F10: variants seen among roughly 807,000 people sequenced by gnomAD.
F10 encodes the protein Stuart-Prower factor.
In F10, 29 loss-of-function variants were observed where a neutral mutation model predicts 37.1. The observed-to-expected ratio is 0.78, with a 90% CI of 0.58 to 1.07. The LOEUF (loss-of-function observed/expected upper bound fraction) is 1.07, where lower values mean the gene tolerates loss of function less well. Ranked by LOEUF, F10 falls within the 50% of genes least tolerant of loss-of-function variation. F10 has a pLI of 0.00. For missense variants in F10, 539 were observed against 667.9 expected, an observed-to-expected ratio of 0.81 and a Z score of 2.13; for synonymous variants, 262 against 268.6, an observed-to-expected ratio of 0.98 and a Z score of 0.24.
intron 2 of F10, among the ~76,000 whole-genome samples, chr13:113,137,590 T>C (rs2138538805): frequency 6.6e-6 from 1 of 152,354 alleles, no homozygotes; most frequent in Non-Finnish European, 1.5e-5. Context: ...GGATTTATTG[T>C]CGCAGCTTTG....
At chr13:113,135,739 A>C (rs1014296397) in intron 2 of F10, among the ~76,000 whole-genome samples, 1 of 152,228 alleles carries the variant, frequency 6.6e-6, no homozygotes, top group Non-Finnish European at 1.5e-5. Context: ...TTATACAAAA[A>C]TTAACACAAT....
intron 1 of F10, among the ~76,000 whole-genome samples, chr13:113,123,134 G>A (rs143582546): frequency 6.6e-5 from 10 of 152,322 alleles, no homozygotes; most frequent in Non-Finnish European, 8.8e-5. Flanking sequence ...TCAGACGGGC[G>A]GATCAGAGGT....
chr13:113,129,763 C>G, intron 2 of F10, 151 bp downstream of exon 2: 1 of 1,005,796 alleles, frequency 9.9e-7, no homozygotes, highest in South Asian at 1.3e-5. Context: ...AAATCGAGGC[C>G]TCGGCGGAGT....
rs368535920 is a variant in F10 at position 113,129,487 on chromosome 13, G to A, written c.106G>A (p.Ala36Thr). The A allele has an allele frequency of 6.2e-7, 1 of 1,614,066 alleles. No homozygotes were observed. Among genetic ancestry groups the A allele is most frequent in the South Asian group, 1.1e-5 (1 of 91,072 alleles). The part of the protein sequence containing the change: ...IRREQANNIL[A>T]RVTRANSFLE... Reference sequence around the variant, plus strand: ...CAGGGAGCAGGCCAACAACATCCTGGCGAGGGTCACGAGGGCCAATTCCTT... The same window carrying A: ...CAGGGAGCAGGCCAACAACATCCTGACGAGGGTCACGAGGGCCAATTCCTT... Residue 36 changes from alanine to threonine, a missense_variant, in exon 2 of 8, where the codon GCG (alanine) becomes ACG (threonine). By Grantham distance (58) the Ala-to-Thr change is moderately conservative (BLOSUM62 0). Around this residue, in one of 2 missense-constraint regions of F10, gnomAD observed 130 missense variants for 120.0 expected, o/e 1.08. Transcript: ENST00000375559.
Position 113,144,938 on chromosome 13 carries a change from G to A in F10, c.747+843G>A, listed in dbSNP as rs1463944407. Among the ~76,000 whole-genome samples the A allele has an allele frequency of 6.8e-6, 1 of 147,002 alleles. No homozygotes were observed. Among genetic ancestry groups the A allele is most frequent in the Admixed American group, 6.7e-5 (1 of 14,884 alleles). On this transcript the variant is annotated intron_variant, in intron 6 of 7. Coordinates refer to ENST00000375559, the MANE Select transcript of F10 (RefSeq NM_000504.4). This position sits in a 1 kb window ranked among gnomAD's most constrained non-coding sequence, Gnocchi z 6.4. Reference sequence around the variant, plus strand: ...CTGTCGCCCAGGCTGGAGTGCAGTGGCGCGATCTCGGCTCACTGCAACCTC... The same window carrying A: ...CTGTCGCCCAGGCTGGAGTGCAGTGACGCGATCTCGGCTCACTGCAACCTC...
At position 113,129,663 on chromosome 13, in the gene F10, C is replaced by G. The variant is rs374031131; in HGVS notation, c.231+51C>G. Reference sequence around the variant, plus strand: ...TTGGTAAGGAGCTCAGGCCACAGCGCCCTCGCTGGCCCCGCTGCTCCGTCC... The same window carrying G: ...TTGGTAAGGAGCTCAGGCCACAGCGGCCTCGCTGGCCCCGCTGCTCCGTCC... On this transcript the variant is annotated intron_variant, in intron 2 of 7. Coordinates refer to ENST00000375559, the MANE Select transcript of F10 (RefSeq NM_000504.4). 6.0e-4 allele frequency: 969 copies of G among 1,610,098 alleles called. 4 individuals are homozygous for G. The highest frequency in any genetic ancestry group is 4.2e-4 in the Non-Finnish European group (494 of 1,177,540).
At chr13:113,147,663 G>A (rs1051325574) in intron 7 of F10, among the ~76,000 whole-genome samples, 167 bp downstream of exon 7, 1 of 152,210 alleles carries the variant, frequency 6.6e-6, no homozygotes, top group Non-Finnish European at 1.5e-5. Context: ...AGGAAGCAGA[G>A]GAAGGGGAAG....
At chr13:113,142,146 G>C (rs893808880) in intron 5 of F10, among the ~76,000 whole-genome samples, 5 of 152,238 alleles carry the variant, frequency 3.3e-5, no homozygotes, top group Non-Finnish European at 1.5e-5. Flanking sequence ...TACTGGCAAT[G>C]ACATTCAAGC....
intron 2 of F10, among the ~76,000 whole-genome samples, chr13:113,135,955 T>C (rs3211757): frequency 0.56 from 85,753 of 151,940 alleles, 24,563 homozygotes; most frequent in South Asian, 0.66. Context: ...AGGATGAAAA[T>C]ACAAGCTACA....
In F10 at chr13:113,143,996, C is replaced by A. The variant is rs1428133190; in HGVS notation, c.648C>A (p.Asp216Glu). 2.5e-6 allele frequency: 4 copies of A among 1,613,700 alleles called. No individual in the cohort carries two copies. Among genetic ancestry groups the A allele is most frequent in the Non-Finnish European group, 3.4e-6 (4 of 1,179,978 alleles). The change falls in exon 6 of 8, where the codon GAC becomes GAA. Residue 216 changes from aspartate to glutamate, a missense_variant. Physicochemically the swap from Asp to Glu is conservative, Grantham distance 45 (BLOSUM62 2). Transcript: ENST00000375559. The surrounding 1 kb of genome is among the most constrained non-coding windows in gnomAD (Gnocchi z 6.8). ...ADLDPTENPF[D>E]LLDFNQTQPE... The stretch of plus-strand genomic sequence containing the variant: ...TGGACCCCACCGAGAACCCCTTCGA[C>A]CTGCTTGACTTCAACCAGACGCAGC...
In F10 at chr13:113,139,230, G is replaced by A; in HGVS notation, c.257-127G>A. ...AAATAAAGTCCAAAGAGGGGGAGTT[G>A]TTTACAGAGAAACCGGAAGACTCTT... is the stretch of plus-strand genomic sequence containing the variant. On this transcript the variant is annotated intron_variant, in intron 3 of 7. Coordinates refer to ENST00000375559, the MANE Select transcript of F10 (RefSeq NM_000504.4). The surrounding 1 kb of genome is among the most constrained non-coding windows in gnomAD (Gnocchi z 5.2). The A allele has an allele frequency of 1.4e-6, 1 of 738,842 alleles. No individual in the cohort carries two copies. The highest frequency in any genetic ancestry group is 1.6e-5 in the South Asian group (1 of 62,338). The allele number at this position is 738,842 out of a possible 1,614,324, so 45.8% of individuals were successfully genotyped here.
intron 1 of F10, among the ~76,000 whole-genome samples, chr13:113,125,985 G>C (rs1227520014): frequency 6.6e-6 from 1 of 151,262 alleles, no homozygotes; most frequent in Non-Finnish European, 1.5e-5. Context: ...GAGGGCGCTG[G>C]GCCTGAGCCA....
rs1415612218 is a variant in F10, at chr13:113,144,041, C to T, written c.693C>T (p.Asn231=). 1.2e-6 allele frequency: 2 copies of T among 1,613,762 alleles called. No homozygotes were observed. Among genetic ancestry groups the T allele is most frequent in the South Asian group, 2.2e-5 (2 of 91,080 alleles). ...NQTQPERGDN[N]LTRIVGGQEC... ...CGCAGCCTGAGAGGGGCGACAACAA[C>T]CTCACCAGGATCGTGGGAGGCCAGG... is the stretch of plus-strand genomic sequence containing the variant. Residue 231 remains asparagine, a synonymous_variant, in exon 6 of 8, where the codon AAC becomes AAT. Transcript: ENST00000375559. The surrounding 1 kb of genome is among the most constrained non-coding windows in gnomAD (Gnocchi z 6.4).
rs1595099677 is a variant in F10 at position 113,149,287 on chromosome 13, G to A, written c.1237G>A (p.Asp413Asn). ...FCAGYDTKQE[D>N]ACQGDSGGPH... The stretch of plus-strand genomic sequence containing the variant: ...TGCCGGCTACGACACCAAGCAGGAG[G>A]ATGCCTGCCAGGGGGACAGCGGGGG... Residue 413 changes from aspartate (D) to asparagine (N), a missense_variant, in exon 8 of 8, where the codon GAT (aspartate) becomes AAT (asparagine). This residue lies in a region of F10 where 409 missense variants were observed against 547.9 expected (regional missense o/e 0.75). Transcript: ENST00000375559. The surrounding 1 kb of genome is among the most constrained non-coding windows in gnomAD (Gnocchi z 7.5). 7 of 1,613,230 alleles carry A rather than the reference G, an allele frequency of 4.3e-6. No homozygotes were observed. The highest frequency in any genetic ancestry group is 5.9e-6 in the Non-Finnish European group (7 of 1,180,032).
intron 7 of F10, 80 bp from the exon 8 acceptor site, chr13:113,148,836 T>C: frequency 6.4e-7 from 1 of 1,554,540 alleles, no homozygotes; most frequent in Non-Finnish European, 8.7e-7. Context: ...AAAAAATATA[T>C]ATAACTTCCT....
chr13:113,123,380 A>G (rs2036338854), intron 1 of F10, among the ~76,000 whole-genome samples: 1 of 152,146 alleles, frequency 6.6e-6, no homozygotes, highest in African/African-American at 2.4e-5. Context: ...GGCTGAGCCG[A>G]GCCAGTGCCA....
chr13:113,146,278 G>A lies in F10; in HGVS notation c.748-1101G>A, dbSNP rs770272343. ...TCAACCTAGTTAGGGAGCTGAGACC[G>A]AAATCCTCCCAGTCCCAGGCACTGT... On this transcript the variant is annotated intron_variant, in intron 6 of 7. Coordinates refer to ENST00000375559, the MANE Select transcript of F10 (RefSeq NM_000504.4). This position sits in a 1 kb window ranked among gnomAD's most constrained non-coding sequence, Gnocchi z 4.5. Among the ~76,000 whole-genome samples the A allele has an allele frequency of 1.9e-4, 29 of 152,162 alleles. No individual in the cohort carries two copies. The highest frequency in any genetic ancestry group is 6.5e-4 in the Admixed American group (10 of 15,280).
Position 113,139,235 on chromosome 13 carries a change from C to T in F10, c.257-122C>T. On this transcript the variant is annotated intron_variant, in intron 3 of 7. Coordinates refer to ENST00000375559, the MANE Select transcript of F10 (RefSeq NM_000504.4). The surrounding 1 kb of genome is among the most constrained non-coding windows in gnomAD (Gnocchi z 5.2). ...AAGTCCAAAGAGGGGGAGTTGTTTA[C>T]AGAGAAACCGGAAGACTCTTCCAGT... is the stretch of plus-strand genomic sequence containing the variant. The T allele has an allele frequency of 1.3e-6, 1 of 764,138 alleles. No homozygotes were observed. Among genetic ancestry groups the T allele is most frequent in the Middle Eastern group, 3.7e-4 (1 of 2,724 alleles). The allele number at this position is 764,138 out of a possible 1,614,324, so 47.3% of individuals were successfully genotyped here. A position where few individuals can be genotyped will look rare whatever the true frequency, so the allele number is the denominator to read the frequency against.
chr13:113,133,129 A>G (rs1346709700), intron 2 of F10, among the ~76,000 whole-genome samples: 1 of 152,184 alleles, frequency 6.6e-6, no homozygotes, highest in Non-Finnish European at 1.5e-5. Flanking sequence ...TTAAATGCTC[A>G]CATGGGAAAA....
Sources: gnomAD v4.1 joint callset for allele counts (sites outside exome capture counted in the v4.1 genomes callset) on GRCh38, gnomAD v4.1.1 for gene constraint, gnomAD v4.1.1 regional missense constraint, Gnocchi (gnomAD v3.1) non-coding constraint, MANE v1.5 for transcripts, NCBI Gene and HGNC (gene_info 2026-07-23, HGNC 2026-07-21) for gene names.